Variants in ANKRD44 observed in about 807,000 individuals in gnomAD.
The protein encoded by ANKRD44 is serine/threonine-protein phosphatase 6 regulatory ankyrin repeat subunit B.
ANKRD44 carries 35 observed loss-of-function variants against 116.0 expected under a neutral mutation model. The ratio of observed to expected loss-of-function variants is 0.30; its 90% CI spans 0.23 to 0.40. The LOEUF (loss-of-function observed/expected upper bound fraction) is 0.40, where lower values mean the gene tolerates loss of function less well. Among genes scored for constraint, ANKRD44 ranks in the 10% least tolerant of loss-of-function variants. The pLI, the probability that ANKRD44 is intolerant of heterozygous loss-of-function variation, is 1.00. For missense variants in ANKRD44, 1,014 were observed against 1,242.6 expected (o/e 0.82, Z 2.77); for synonymous variants, 435 against 461.8 (o/e 0.94, Z 0.74).
chr2:197,173,709 A>T (rs189865153), intron 2 of ANKRD44, among the ~76,000 whole-genome samples: 1 of 152,152 alleles, frequency 6.6e-6, no homozygotes, highest in Non-Finnish European at 1.5e-5. Context: ...AATGGATTCA[A>T]TGGTGCCAAG....
At chr2:196,994,604 TC>T (rs2075980198) in intron 26 of ANKRD44, 1 of 152,418 alleles carries the variant, frequency 6.6e-6, no homozygotes, top group Non-Finnish European at 1.5e-5. Flanking sequence ...AACCTCCACC[TC>T]CCAGGTTCAA....
intron 1 of ANKRD44, among the ~76,000 whole-genome samples, chr2:197,221,189 T>C (rs1482625312): frequency 6.6e-6 from 1 of 150,660 alleles, no homozygotes; most frequent in East Asian, 2.0e-4. Flanking sequence ...AGGTGGAGGT[T>C]GCAGTGAGCC....
chr2:197,203,672 T>C lies in ANKRD44; in HGVS notation c.28-16566A>G, dbSNP rs2081141903. Among the ~76,000 whole-genome samples, 1 of 152,234 alleles carries C rather than the reference T, an allele frequency of 6.6e-6. No homozygotes were observed. The highest frequency in any genetic ancestry group is 1.5e-5 in the Non-Finnish European group (1 of 68,044). Reference sequence around the variant, plus strand: ...TGTACCTAAATGTCCACAGCAGTACTATTCACAACAGTCAAAAGGTAGAAA... The same window carrying C: ...TGTACCTAAATGTCCACAGCAGTACCATTCACAACAGTCAAAAGGTAGAAA... On this transcript the variant is annotated intron_variant, in intron 1 of 27. Transcript: ENST00000282272. This position sits in a 1 kb window ranked among gnomAD's most constrained non-coding sequence, Gnocchi z 4.1.
intron 17 of ANKRD44, among the ~76,000 whole-genome samples, chr2:197,018,544 A>G (rs1027535271): frequency 2.0e-5 from 3 of 152,016 alleles, no homozygotes; most frequent in African/African-American, 7.3e-5. Context: ...CACCTCACAC[A>G]TACTCCCAGA....
At chr2:197,214,887 G>C (rs960073143) in intron 1 of ANKRD44, among the ~76,000 whole-genome samples, 2 of 151,618 alleles carry the variant, frequency 1.3e-5, no homozygotes, top group South Asian at 2.1e-4. Context: ...TTTTTGTTTT[G>C]TTTTTTTTGA....
chr2:197,215,378 C>CTTAG (rs2081421753), intron 1 of ANKRD44, among the ~76,000 whole-genome samples: 1 of 152,150 alleles, frequency 6.6e-6, no homozygotes, highest in Non-Finnish European at 1.5e-5. Context: ...ATGTCATTGG[C>CTTAG]TAGGCTTCAG....
intron 1 of ANKRD44, among the ~76,000 whole-genome samples, chr2:197,267,219 C>T (rs1294272679): frequency 6.6e-6 from 1 of 152,200 alleles, no homozygotes; most frequent in East Asian, 1.9e-4. Context: ...CTAAGGGTCG[C>T]CATCATGCAC....
At chr2:197,117,046 T>A (rs909081905) in intron 8 of ANKRD44, among the ~76,000 whole-genome samples, 1 of 152,194 alleles carries the variant, frequency 6.6e-6, no homozygotes, top group Non-Finnish European at 1.5e-5. Context: ...GAGAAGACAC[T>A]ATTGTTTCCC....
rs141094214 is a variant in ANKRD44 at position 197,246,092 on chromosome 2, T to C, written c.28-58986A>G. Reference sequence around the variant, plus strand: ...GAAGACCAGGCTTTGAAGAATGAAATGTAAGGAAGACATGGGGTGACAGAG... The same window carrying C: ...GAAGACCAGGCTTTGAAGAATGAAACGTAAGGAAGACATGGGGTGACAGAG... On this transcript the variant is annotated intron_variant, in intron 1 of 27. Transcript: ENST00000282272. 5.9e-3 allele frequency among the ~76,000 whole-genome samples: 899 copies of C among 152,258 alleles called. 12 individuals carry two copies. The highest frequency in any genetic ancestry group is 0.021 in the African/African-American group (861 of 41,552).
intron 17 of ANKRD44, chr2:197,015,223 A>G (rs2076369577): frequency 1.3e-5 from 4 of 316,428 alleles, no homozygotes; most frequent in South Asian, 9.4e-5. Flanking sequence ...GTTTCTAGGG[A>G]AGATTCTGCA....
chr2:197,275,124 T>C (rs2083036642), intron 1 of ANKRD44, among the ~76,000 whole-genome samples: 1 of 151,888 alleles, frequency 6.6e-6, no homozygotes, highest in Admixed American at 6.6e-5. Flanking sequence ...TCTTTTTTTT[T>C]TGGAGACAGA....
At chr2:197,231,431 TA>T (rs199618286) in intron 1 of ANKRD44, among the ~76,000 whole-genome samples, 18 of 147,518 alleles carry the variant, frequency 1.2e-4, no homozygotes, top group Middle Eastern at 3.5e-3. Context: ...CTTAACTCTT[TA>T]AAAAAAAAAA....
chr2:197,042,899 T>A (rs768367761), intron 16 of ANKRD44, among the ~76,000 whole-genome samples: 1 of 152,220 alleles, frequency 6.6e-6, no homozygotes, highest in African/African-American at 2.4e-5. Flanking sequence ...CTGCAGTTTA[T>A]GAATTTGGGC....
intron 4 of ANKRD44, chr2:197,136,305 G>A (rs2125388793): frequency 2.4e-6 from 1 of 409,772 alleles, no homozygotes; most frequent in African/African-American, 2.0e-5. Flanking sequence ...AGTCAATGAT[G>A]ATATTGTAAT....
rs117019734 is a variant in ANKRD44 at position 197,058,208 on chromosome 2, G to A, written c.1650+20495C>T. Among the ~76,000 whole-genome samples the A allele has an allele frequency of 2.5e-3, 380 of 152,268 alleles. 1 individual carries two copies. The highest frequency in any genetic ancestry group is 0.016 in the East Asian group (85 of 5,190). ...AAGAATGTTTTCTTTTAAGCACTATGTGAAAAAAATTTATTGAGATTGCCA... is the reference window on the plus strand; with the variant it reads ...AAGAATGTTTTCTTTTAAGCACTATATGAAAAAAATTTATTGAGATTGCCA... On this transcript the variant is annotated intron_variant, in intron 16 of 27. Transcript: ENST00000282272.
At chr2:197,035,077 A>G (rs1168125667) in intron 16 of ANKRD44, among the ~76,000 whole-genome samples, 1 of 152,234 alleles carries the variant, frequency 6.6e-6, no homozygotes, top group Non-Finnish European at 1.5e-5. Flanking sequence ...CAGCAAAGGC[A>G]ATAGAAGGTT....
At chr2:197,273,993 A>C (rs1284248258) in intron 1 of ANKRD44, among the ~76,000 whole-genome samples, 994 of 35,920 alleles carry the variant, frequency 0.028, 137 homozygotes, top group African/African-American at 0.087. Context: ...ATATATATAT[A>C]TATATATATA....
At chr2:196,999,964 T>C (rs1458603192) in intron 23 of ANKRD44, among the ~76,000 whole-genome samples, 1 of 152,162 alleles carries the variant, frequency 6.6e-6, no homozygotes, top group Non-Finnish European at 1.5e-5. Flanking sequence ...ATCTAAATGT[T>C]CTTCAATAGA....
At chr2:197,016,389 C>T (rs2076394126) in intron 17 of ANKRD44, among the ~76,000 whole-genome samples, 1 of 151,514 alleles carries the variant, frequency 6.6e-6, no homozygotes, top group African/African-American at 2.4e-5. Flanking sequence ...GCATTTTTAA[C>T]TTTCAATATT....
Sources: allele counts gnomAD v4.1 joint callset (sites outside exome capture counted in the v4.1 genomes callset), GRCh38; gene constraint gnomAD v4.1.1; non-coding constraint Gnocchi (gnomAD v3.1); transcripts MANE v1.5; gene names NCBI Gene and HGNC (gene_info 2026-07-23, HGNC 2026-07-21).